SCNN1G: variants seen among roughly 807,000 people sequenced by gnomAD.
SCNN1G encodes the protein sodium channel epithelial 1 subunit gamma, also known as epithelial sodium channel subunit gamma.
A neutral mutation model predicts 64.6 loss-of-function variants in SCNN1G; 27 were observed. The observed-to-expected ratio is 0.42, with a 90% CI of 0.31 to 0.58. SCNN1G has a LOEUF of 0.58. Among genes scored for constraint, SCNN1G ranks in the 20% least tolerant of loss-of-function variants. The pLI, the probability that SCNN1G is intolerant of heterozygous loss-of-function variation, is 0.18. For missense variants in SCNN1G, 743 were observed against 823.4 expected, an observed-to-expected ratio of 0.90 and a Z score of 1.19; for synonymous variants, 330 against 314.2, an observed-to-expected ratio of 1.05 and a Z score of -0.53.
chr16:23,191,967 T>G (rs760634131), intron 3 of SCNN1G, among the ~76,000 whole-genome samples: 2 of 151,980 alleles, frequency 1.3e-5, no homozygotes, highest in Non-Finnish European at 2.9e-5. Context: ...TCCTGCAGAG[T>G]CTGGGCTGGA....
intron 3 of SCNN1G, among the ~76,000 whole-genome samples, chr16:23,192,113 T>A (rs760022985): frequency 6.6e-6 from 1 of 152,202 alleles, no homozygotes; most frequent in Non-Finnish European, 1.5e-5. Flanking sequence ...GGGCAAGTAG[T>A]GCAGAGTTGC....
rs1438050808 is a variant in SCNN1G, at chr16:23,186,361, G to C, written c.90G>C (p.Arg30=). The C allele has an allele frequency of 6.2e-7, 1 of 1,614,260 alleles. No homozygotes were observed. Among genetic ancestry groups the C allele is most frequent in the Non-Finnish European group, 8.5e-7 (1 of 1,180,040 alleles). ...PQAPTIKELM[R]WYCLNTNTHG... ...CGCCGACCATTAAAGAGCTGATGCG[G>C]TGGTACTGCCTCAACACCAACACCC... The change falls in exon 2 of 13, where the codon CGG becomes CGC. Residue 30 remains arginine (R), a synonymous_variant. Coordinates refer to ENST00000300061, the MANE Select transcript of SCNN1G (RefSeq NM_001039.4).
intron 3 of SCNN1G, among the ~76,000 whole-genome samples, chr16:23,191,649 T>C (rs1004687710): frequency 1.3e-5 from 2 of 152,168 alleles, no homozygotes; most frequent in Non-Finnish European, 2.9e-5. Flanking sequence ...TGGTCTCGAA[T>C]TCCTGGCCTC....
At chr16:23,189,846 C>A (rs975234908) in intron 3 of SCNN1G, among the ~76,000 whole-genome samples, 175 bp downstream of exon 3, 1 of 152,038 alleles carries the variant, frequency 6.6e-6, no homozygotes, top group African/African-American at 2.4e-5. Flanking sequence ...CCAAGGCGGG[C>A]GAATCACCTG....
chr16:23,205,625 G>A (rs960799958), intron 6 of SCNN1G, among the ~76,000 whole-genome samples: 3 of 151,776 alleles, frequency 2.0e-5, no homozygotes, highest in Non-Finnish European at 4.4e-5. Flanking sequence ...GCTTACACCC[G>A]GGAGGTGGAG....
chr16:23,200,822 G>GAGAC (rs1386699580), intron 6 of SCNN1G, among the ~76,000 whole-genome samples: 1 of 152,218 alleles, frequency 6.6e-6, no homozygotes, highest in African/African-American at 2.4e-5. Context: ...TATTTAAGCT[G>GAGAC]AGACAGCGAG....
At chr16:23,208,279 A>C (rs1000539545) in intron 6 of SCNN1G, among the ~76,000 whole-genome samples, 1 of 152,094 alleles carries the variant, frequency 6.6e-6, no homozygotes, top group African/African-American at 2.4e-5. Flanking sequence ...CCCGGGAGGT[A>C]GAGGCTGTAG....
At chr16:23,192,923 G>A (rs1959732911) in intron 4 of SCNN1G, among the ~76,000 whole-genome samples, 1 of 151,720 alleles carries the variant, frequency 6.6e-6, no homozygotes, top group African/African-American at 2.4e-5. Flanking sequence ...ACAAAACTTA[G>A]CCAGGCATGG....
At chr16:23,197,243 C>CAGGTTGTCTTATCCTCCCAGGATA in intron 5 of SCNN1G, 21 bp from the exon 6 acceptor site, 1 of 1,609,432 alleles carries the variant, frequency 6.2e-7, no homozygotes, top group Non-Finnish European at 8.5e-7. Flanking sequence ...TGGATCACAG[C>CAGGTTGTCTTATCCTCCCAGGATA]AGGTTGTCTT....
chr16:23,190,104 GA>G (rs1295478822), intron 3 of SCNN1G, among the ~76,000 whole-genome samples: 3 of 151,912 alleles, frequency 2.0e-5, no homozygotes, highest in Non-Finnish European at 4.4e-5. Context: ...CAAACGGAGG[GA>G]GAGCATTAGG....
intron 7 of SCNN1G, 50 bp from the exon 8 acceptor site, chr16:23,211,984 G>A (rs1401407008): frequency 7.4e-7 from 1 of 1,347,852 alleles, no homozygotes; most frequent in Non-Finnish European, 1.1e-6. Context: ...GAAACTCCCT[G>A]ACATCCCTGA....
chr16:23,191,275 G>A (rs1486834914), intron 3 of SCNN1G, among the ~76,000 whole-genome samples: 1 of 152,134 alleles, frequency 6.6e-6, no homozygotes, highest in Non-Finnish European at 1.5e-5. Context: ...ATACCTTATA[G>A]GCTTGATTGC....
At chr16:23,185,535 T>A (rs1430398679) in intron 1 of SCNN1G, among the ~76,000 whole-genome samples, 5 of 152,216 alleles carry the variant, frequency 3.3e-5, no homozygotes, top group Admixed American at 3.3e-4. Flanking sequence ...TATGGCACAA[T>A]GCCTGGCAAA....
chr16:23,196,956 T>A (rs1365705255), intron 5 of SCNN1G, among the ~76,000 whole-genome samples: 3 of 152,208 alleles, frequency 2.0e-5, no homozygotes, highest in African/African-American at 7.2e-5. Context: ...AAGGACCACA[T>A]GGAGATTCAT....
chr16:23,188,954 G>T (rs540467814), intron 2 of SCNN1G, among the ~76,000 whole-genome samples: 2 of 152,204 alleles, frequency 1.3e-5, no homozygotes, highest in African/African-American at 4.8e-5. Flanking sequence ...ACAATCAGTG[G>T]GCAGAGGCAG....
chr16:23,186,612 G>GC lies in SCNN1G; in HGVS notation c.317+25dup, dbSNP rs1277588473. 20 of 1,600,990 alleles carry GC rather than the reference G, an allele frequency of 1.2e-5. No individual in the cohort carries two copies. The African/African-American group carries it at 2.5e-4, about 20-fold the overall frequency. ...AAGTAAGAGGCATGAGCAGGGAAAC[G>GC]CGAGTAGGGAGCCAGGCCCCCCACA... On this transcript the variant is annotated intron_variant, in intron 2 of 12. Coordinates refer to ENST00000300061, the MANE Select transcript of SCNN1G (RefSeq NM_001039.4).
chr16:23,208,591 C>T (rs1383443563), intron 6 of SCNN1G, among the ~76,000 whole-genome samples: 2 of 151,360 alleles, frequency 1.3e-5, no homozygotes, highest in Non-Finnish European at 3.0e-5. Flanking sequence ...CTCTCCCTTC[C>T]CTTCCCTTCC....
chr16:23,199,243 A>T (rs1959846127), intron 6 of SCNN1G, among the ~76,000 whole-genome samples: 2 of 152,206 alleles, frequency 1.3e-5, no homozygotes, highest in African/African-American at 2.4e-5. Context: ...CAAATACAAA[A>T]TATTTCTCAC....
At chr16:23,202,391 G>C (rs1180386989) in intron 6 of SCNN1G, among the ~76,000 whole-genome samples, 1 of 151,956 alleles carries the variant, frequency 6.6e-6, no homozygotes, top group African/African-American at 2.4e-5. Context: ...TGCGTGGGTA[G>C]GTGCATGGAT....
Sources: gnomAD v4.1 joint callset for allele counts (sites outside exome capture counted in the v4.1 genomes callset) on GRCh38, gnomAD v4.1.1 for gene constraint, MANE v1.5 for transcripts, NCBI Gene and HGNC (gene_info 2026-07-23, HGNC 2026-07-21) for gene names.